The following WNK2 variants were observed in gnomAD, a reference collection of about 807,000 sequenced individuals.
The protein encoded by WNK2 is WNK lysine deficient protein kinase 2.
A neutral mutation model predicts 192.1 loss-of-function variants in WNK2; 67 were observed. The observed-to-expected ratio is 0.35, with a 90% confidence interval of 0.29 to 0.43. WNK2 has a LOEUF of 0.43. WNK2 is among the 20% of genes least tolerant of loss of function. WNK2 has a pLI of 1.00. For synonymous variants in WNK2, 1,439 were observed against 1,393.9 expected (o/e 1.03, Z -0.72); for missense variants, 2,698 against 3,089.7 (o/e 0.87, Z 3.01).
At position 93,259,726 on chromosome 9, in the gene WNK2, C is replaced by T; in HGVS notation, c.3066+112C>T. 1 of 1,065,028 alleles carries T rather than the reference C, an allele frequency of 9.4e-7. No homozygotes were observed. The highest frequency in any genetic ancestry group is 1.3e-6 in the Non-Finnish European group (1 of 762,414). 66.0% of individuals were successfully genotyped at this position (1,065,028 alleles called of 1,614,324 possible). ...AGGAGGCAGCCCTGCCTGGGGTCGC[C>T]CCTCTCAGGAAGAGATGTGTGTGAG... On this transcript the variant is annotated intron_variant, in intron 12 of 29. Coordinates refer to ENST00000427277, the MANE Select transcript of WNK2 (RefSeq NM_006648.4). The surrounding 1 kb of genome is among the most constrained non-coding windows in gnomAD (Gnocchi z 4.8).
In WNK2 at chr9:93,300,364, A is replaced by C. The variant is rs1362822048; in HGVS notation, c.6214+215A>C. 6.3e-6 allele frequency: 3 copies of C among 477,556 alleles called. No homozygotes were observed. The East Asian group carries it at 1.1e-4, about 17-fold the overall frequency. The allele number at this position is 477,556 out of a possible 1,614,324, so 29.6% of individuals were successfully genotyped here. A position where few individuals can be genotyped will look rare whatever the true frequency, so the allele number is the denominator to read the frequency against. ...CCCAAGCCCCACACAGCGTGTGTGC[A>C]TGCTCATGGCTGGTGCCTGGGCACG... On this transcript the variant is annotated intron_variant, in intron 26 of 29. Transcript: ENST00000427277.
At position 93,208,509 on chromosome 9, in the gene WNK2, G is replaced by A. The variant is rs376815751; in HGVS notation, c.682-21187G>A. Among the ~76,000 whole-genome samples, 382 of 151,094 alleles carry A rather than the reference G, an allele frequency of 2.5e-3. 9 individuals carry two copies. In the East Asian group the frequency reaches 0.051, roughly 20 times the overall value. ...CTCTGTGTGCATGTGTGTTCTCCACGTGTACATGTTATGTGTATTCTGTGT... is the reference window on the plus strand; with the variant it reads ...CTCTGTGTGCATGTGTGTTCTCCACATGTACATGTTATGTGTATTCTGTGT... On this transcript the variant is annotated intron_variant, in intron 2 of 29. Coordinates refer to ENST00000427277, the MANE Select transcript of WNK2 (RefSeq NM_006648.4).
intron 19 of WNK2, among the ~76,000 whole-genome samples, chr9:93,277,483 A>G (rs1343779851): frequency 6.6e-6 from 1 of 152,212 alleles, no homozygotes; most frequent in Non-Finnish European, 1.5e-5. Flanking sequence ...CAGTGGGTGA[A>G]TAGATAAAAA....
chr9:93,301,936 G>A (rs746566478), intron 26 of WNK2, among the ~76,000 whole-genome samples: 1 of 152,216 alleles, frequency 6.6e-6, no homozygotes, highest in Non-Finnish European at 1.5e-5. Flanking sequence ...GCTGGCCGGG[G>A]AGAGCCCAGG....
chr9:93,246,849 T>C (rs982318210), intron 7 of WNK2, among the ~76,000 whole-genome samples: 8 of 152,370 alleles, frequency 5.3e-5, no homozygotes, highest in East Asian at 1.9e-4. Flanking sequence ...CATGTTTTCA[T>C]GTGTTTGTGG....
intron 19 of WNK2, among the ~76,000 whole-genome samples, chr9:93,274,447 G>C (rs1290651282): frequency 6.7e-6 from 1 of 149,840 alleles, no homozygotes; most frequent in Non-Finnish European, 1.5e-5. Flanking sequence ...AGGAGGTGGA[G>C]CTTGCCGTGA....
At chr9:93,187,422 G>T (rs531297275) in intron 2 of WNK2, among the ~76,000 whole-genome samples, 1 of 152,182 alleles carries the variant, frequency 6.6e-6, no homozygotes, top group South Asian at 2.1e-4. Flanking sequence ...TGTTACTGGT[G>T]CCCCAAACTT....
intron 9 of WNK2, among the ~76,000 whole-genome samples, 156 bp downstream of exon 9, chr9:93,253,238 T>C (rs1842840149): frequency 6.6e-6 from 1 of 152,068 alleles, no homozygotes. Flanking sequence ...ACACTTCCCC[T>C]GGGGAGACAT....
In WNK2 at chr9:93,247,226, G is replaced by A. The variant is rs957287384; in HGVS notation, c.1543-317G>A. Among the ~76,000 whole-genome samples the A allele has an allele frequency of 1.8e-4, 28 of 152,302 alleles. No homozygotes were observed. In the East Asian group the frequency reaches 3.9e-3, roughly 21 times the overall value. ...TGGAGACAATCAGGAGCCCCTTCCC[G>A]TCTGCCACCAGCCCCGGGGGCGCTG... On this transcript the variant is annotated intron_variant, in intron 7 of 29. Transcript: ENST00000427277. The surrounding 1 kb of genome is among the most constrained non-coding windows in gnomAD (Gnocchi z 5.2).
In WNK2 at chr9:93,256,298, G is replaced by T. The variant is rs748238198; in HGVS notation, c.2035-1G>T. 14 of 1,554,844 alleles carry T rather than the reference G, an allele frequency of 9.0e-6. No individual in the cohort carries two copies. Among genetic ancestry groups the T allele is most frequent in the Non-Finnish European group, 1.0e-5 (12 of 1,157,284 alleles). On this transcript the variant is annotated splice_acceptor_variant, in intron 9 of 29. Transcript: ENST00000427277. LOFTEE classifies it high-confidence loss of function. ...GAGTGTGGCCCTGGTGCTCTCTGCA[G>T]CCTGGCTTGCCGGTGGGCTCTGTCC...
chr9:93,185,355 C>T lies in WNK2; in HGVS notation c.426C>T (p.Gly142=), dbSNP rs1427867340. The change falls in exon 2 of 30, where the codon GGC becomes GGT. Residue 142 remains glycine (G), a synonymous_variant. Coordinates refer to ENST00000427277, the MANE Select transcript of WNK2 (RefSeq NM_006648.4). ...AVETAPAPDG[G]PREEAAATVR... is the part of the protein sequence containing the mutation. ...AAACCGCGCCTGCCCCCGACGGCGG[C>T]CCCAGGGAGGAGGCGGCGGCGACCG... is the stretch of plus-strand genomic sequence containing the variant. The T allele has an allele frequency of 1.3e-6, 2 of 1,561,670 alleles. No individual in the cohort carries two copies. Among genetic ancestry groups the T allele is most frequent in the Non-Finnish European group, 1.7e-6 (2 of 1,156,866 alleles).
chr9:93,314,438 C>A (rs1161238932), intron 28 of WNK2, among the ~76,000 whole-genome samples: 1 of 139,682 alleles, frequency 7.2e-6, no homozygotes, highest in Non-Finnish European at 1.6e-5. Flanking sequence ...CAGAGCAAGA[C>A]CCTGTCTGAA....
intron 29 of WNK2, 69 bp downstream of exon 29, chr9:93,317,700 C>G: frequency 6.4e-7 from 1 of 1,556,648 alleles, no homozygotes; most frequent in Non-Finnish European, 8.7e-7. Flanking sequence ...AGGCCTGCTC[C>G]CAGCTCCAGT....
intron 13 of WNK2, 100 bp from the exon 14 acceptor site, chr9:93,262,570 C>A: frequency 1.5e-6 from 2 of 1,321,142 alleles, no homozygotes; most frequent in Non-Finnish European, 2.2e-6. Flanking sequence ...GCAGGCTGGG[C>A]TGAGGAAGTG....
At chr9:93,270,904 AC>A (rs1248125983) in intron 19 of WNK2, among the ~76,000 whole-genome samples, 1 of 152,164 alleles carries the variant, frequency 6.6e-6, no homozygotes, top group African/African-American at 2.4e-5. Flanking sequence ...TCCTCTTGCC[AC>A]CTTGTCATTC....
At chr9:93,248,788 A>G (rs1451028104) in intron 8 of WNK2, among the ~76,000 whole-genome samples, 2 of 152,220 alleles carry the variant, frequency 1.3e-5, no homozygotes, top group African/African-American at 2.4e-5. Context: ...TCAACATCCT[A>G]AGAATTCAGC....
At chr9:93,184,711 G>T (rs938330847) in intron 1 of WNK2, among the ~76,000 whole-genome samples, 8 of 152,066 alleles carry the variant, frequency 5.3e-5, no homozygotes, top group African/African-American at 1.9e-4. Flanking sequence ...CCGCAGCCTG[G>T]GGCTGAGCAG....
In WNK2 at chr9:93,229,974, G is replaced by A. The variant is rs1160395600; in HGVS notation, c.854+106G>A. Reference sequence around the variant, plus strand: ...GCTGGGGTGGTCCTGGCTGGTGCCTGTGGGAGGCTGTCTCCTCTTTCCTCT... The same window carrying A: ...GCTGGGGTGGTCCTGGCTGGTGCCTATGGGAGGCTGTCTCCTCTTTCCTCT... On this transcript the variant is annotated intron_variant, in intron 3 of 29. Transcript: ENST00000427277. This position sits in a 1 kb window ranked among gnomAD's most constrained non-coding sequence, Gnocchi z 4.9. 14 of 1,385,176 alleles carry A rather than the reference G, an allele frequency of 1.0e-5. No individual in the cohort carries two copies. The East Asian group carries it at 3.0e-4, about 29-fold the overall frequency. The allele number at this position is 1,385,176 out of a possible 1,614,324, so 85.8% of individuals were successfully genotyped here.
In WNK2 at chr9:93,266,534, G is replaced by A. The variant is rs558625602; in HGVS notation, c.3697-1212G>A. Among the ~76,000 whole-genome samples, 236 of 152,344 alleles carry A rather than the reference G, an allele frequency of 1.5e-3. 1 individual carries two copies. Among genetic ancestry groups the A allele is most frequent in the African/African-American group, 5.0e-3 (207 of 41,572 alleles). ...AGTGAAAATTTCACAAAATTGGAAC[G>A]TTGCTTAAATTCTCGTATGTGGCAC... On this transcript the variant is annotated intron_variant, in intron 16 of 29. Transcript: ENST00000427277.
Sources: allele counts gnomAD v4.1 joint callset (sites outside exome capture counted in the v4.1 genomes callset), GRCh38; gene constraint gnomAD v4.1.1; non-coding constraint Gnocchi (gnomAD v3.1); transcripts MANE v1.5; gene names NCBI Gene and HGNC (gene_info 2026-07-23, HGNC 2026-07-21).